Variants in JADE3 observed in about 807,000 individuals in gnomAD.
JADE3 encodes the protein jade family PHD finger 3, also known as protein Jade-3.
A neutral mutation model predicts 50.1 loss-of-function variants in JADE3; 2 were observed. That is an observed-to-expected ratio of 0.04 (90% CI 0.02 to 0.13). The LOEUF (loss-of-function observed/expected upper bound fraction) is 0.13, where lower values mean the gene tolerates loss of function less well. JADE3 is among the 10% of genes least tolerant of loss of function. The probability of loss-of-function intolerance (pLI) is 1.00; values close to 1 mark genes in which losing one functional copy is unlikely to be tolerated. For missense variants in JADE3, 475 were observed against 634.4 expected, an observed-to-expected ratio of 0.75 and a Z score of 2.70; for synonymous variants, 218 against 232.9, an observed-to-expected ratio of 0.94 and a Z score of 0.58.
At chrX:46,990,881 T>C (rs1194902929) in intron 3 of JADE3, among the ~76,000 whole-genome samples, 1 of 109,941 alleles carries the variant, frequency 9.1e-6, no homozygotes, top group Non-Finnish European at 1.9e-5. Context: ...TGGCAACCAC[T>C]AATTTACCTT....
At chrX:47,003,882 T>TA (rs201002756) in intron 4 of JADE3, among the ~76,000 whole-genome samples, 2 of 102,154 alleles carry the variant, frequency 2.0e-5, no homozygotes, top group East Asian at 5.8e-4. Context: ...ATTTATATTT[T>TA]TATATATAAA....
chrX:47,049,935 C>T (rs1929468425), intron 8 of JADE3, among the ~76,000 whole-genome samples: 1 of 106,019 alleles, frequency 9.4e-6, no homozygotes, highest in African/African-American at 3.4e-5. Context: ...CACTCTTCTT[C>T]TTTTTTTTAA....
chrX:47,005,280 G>T (rs782786252), intron 4 of JADE3, among the ~76,000 whole-genome samples: 1 of 110,943 alleles, frequency 9.0e-6, no homozygotes, highest in African/African-American at 3.3e-5. Flanking sequence ...AATCTCTGTC[G>T]CCCAGGCTGG....
At chrX:47,022,600 T>A (rs1928820220) in intron 4 of JADE3, among the ~76,000 whole-genome samples, 1 of 111,876 alleles carries the variant, frequency 8.9e-6, no homozygotes, top group African/African-American at 3.2e-5. Flanking sequence ...GTGATGACTC[T>A]AGAGTAAAGA....
intron 1 of JADE3, among the ~76,000 whole-genome samples, chrX:46,982,276 A>G (rs1357207526): frequency 1.8e-5 from 2 of 111,052 alleles, no homozygotes; most frequent in East Asian, 2.8e-4. Flanking sequence ...TTTCATTTCA[A>G]TTGTGCTTTC....
At chrX:46,939,438 C>T (rs1225127166) in intron 1 of JADE3, among the ~76,000 whole-genome samples, 1 of 111,530 alleles carries the variant, frequency 9.0e-6, no homozygotes, top group Non-Finnish European at 1.9e-5. Flanking sequence ...TACTATACAT[C>T]TCAGACAGAA....
At chrX:46,944,170 GT>G (rs1460045132) in intron 1 of JADE3, among the ~76,000 whole-genome samples, 1 of 109,852 alleles carries the variant, frequency 9.1e-6, no homozygotes, top group Non-Finnish European at 1.9e-5. Context: ...TTAATTCTGT[GT>G]GTGGATTTCC....
At chrX:47,002,679 T>TA (rs56653702) in intron 4 of JADE3, among the ~76,000 whole-genome samples, 1,869 of 94,258 alleles carry the variant, frequency 0.02, 20 homozygotes, top group Admixed American at 0.035. Context: ...CAGTTTTATT[T>TA]AAAAAAAAAA....
chrX:46,935,826 CTTTTTTTTTT>C, intron 1 of JADE3, among the ~76,000 whole-genome samples: 1 of 62,735 alleles, frequency 1.6e-5, no homozygotes, highest in Non-Finnish European at 2.7e-5. Flanking sequence ...AAGTCTTTCA[CTTTTTTTTTT>C]TTTTTTTTTT....
intron 3 of JADE3, among the ~76,000 whole-genome samples, chrX:46,992,473 G>A (rs930018892): frequency 9.4e-6 from 1 of 105,874 alleles, no homozygotes; most frequent in Non-Finnish European, 1.9e-5. Flanking sequence ...TCCTGCTGTG[G>A]CTTCTGCCAC....
chrX:47,023,576 T>TGTTA (rs1556364925), intron 4 of JADE3, among the ~76,000 whole-genome samples: 1 of 112,395 alleles, frequency 8.9e-6, no homozygotes, highest in Non-Finnish European at 1.9e-5. Context: ...ATTTAATGAT[T>TGTTA]GTTATCCTTA....
At chrX:46,996,179 G>A in intron 3 of JADE3, among the ~76,000 whole-genome samples, 1 of 111,962 alleles carries the variant, frequency 8.9e-6, no homozygotes, top group Non-Finnish European at 1.9e-5. Flanking sequence ...TGGGACTACA[G>A]GCATGCACCG....
At chrX:46,951,677 T>C (rs1260915306) in intron 1 of JADE3, among the ~76,000 whole-genome samples, 1 of 110,062 alleles carries the variant, frequency 9.1e-6, no homozygotes, top group African/African-American at 3.3e-5. Context: ...TTTATTGTTA[T>C]CCCACAGGTC....
rs938461785 is a variant in JADE3 at position 46,952,948 on chromosome X, A to G, written c.-11-31936A>G. Among the ~76,000 whole-genome samples, 13 of 110,149 alleles carry G rather than the reference A, an allele frequency of 1.2e-4. No individual in the cohort carries two copies. In the South Asian group the frequency reaches 1.2e-3, roughly 10 times the overall value. Reference sequence around the variant, plus strand: ...AGGAGGCAGAGGTGGCAGTGAGCCAATATCGCTGCAGTCCAGCCTGGGTGA... The same window carrying G: ...AGGAGGCAGAGGTGGCAGTGAGCCAGTATCGCTGCAGTCCAGCCTGGGTGA... On this transcript the variant is annotated intron_variant, in intron 1 of 10. Coordinates refer to ENST00000614628, the MANE Select transcript of JADE3 (RefSeq NM_014735.5).
At chrX:46,914,868 C>T (rs1926047672) in intron 1 of JADE3, among the ~76,000 whole-genome samples, 1 of 112,042 alleles carries the variant, frequency 8.9e-6, no homozygotes, top group Non-Finnish European at 1.9e-5. Context: ...TGTGACCCAC[C>T]TTCAGGCCCG....
chrX:47,026,697 T>G (rs1259989874), intron 5 of JADE3, among the ~76,000 whole-genome samples: 1 of 111,744 alleles, frequency 8.9e-6, no homozygotes, highest in Non-Finnish European at 1.9e-5. Flanking sequence ...AAGAACTTTT[T>G]AAGTTGAGTG....
chrX:47,029,148 T>C (rs1286865603), intron 6 of JADE3, among the ~76,000 whole-genome samples: 1 of 111,686 alleles, frequency 9.0e-6, no homozygotes, highest in African/African-American at 3.3e-5. Context: ...ATAAGGAAAC[T>C]GCCAATTTAG....
intron 6 of JADE3, among the ~76,000 whole-genome samples, chrX:47,032,993 A>G (rs1232966990): frequency 1.8e-5 from 2 of 111,765 alleles, no homozygotes; most frequent in Admixed American, 1.9e-4. Flanking sequence ...TATTTGTCCA[A>G]CTTCATTCCA....
At chrX:47,044,782 G>A (rs1480087667) in intron 8 of JADE3, among the ~76,000 whole-genome samples, 1 of 111,984 alleles carries the variant, frequency 8.9e-6, no homozygotes, top group Non-Finnish European at 1.9e-5. Flanking sequence ...TTAAGGGGAT[G>A]AAGTTGAAGT....
Sources: allele counts gnomAD v4.1 joint callset (sites outside exome capture counted in the v4.1 genomes callset), GRCh38; gene constraint gnomAD v4.1.1; transcripts MANE v1.5; gene names NCBI Gene and HGNC (gene_info 2026-07-23, HGNC 2026-07-21).